SMARCC1: variants seen among roughly 807,000 people sequenced by gnomAD.
SMARCC1 encodes the protein SWI/SNF related BAF chromatin remodeling complex subunit C1.
In SMARCC1, 43 loss-of-function variants were observed where a neutral mutation model predicts 147.4. The observed-to-expected ratio is 0.29, with a 90% confidence interval of 0.23 to 0.38. The LOEUF (loss-of-function observed/expected upper bound fraction) is 0.38. Among genes scored for constraint, SMARCC1 ranks in the 10% least tolerant of loss-of-function variants. The pLI, the probability that SMARCC1 is intolerant of heterozygous loss-of-function variation, is 1.00. For missense variants in SMARCC1, 1,119 were observed against 1,381.1 expected (o/e 0.81, Z 3.01); for synonymous variants, 495 against 484.4 (o/e 1.02, Z -0.29).
At position 47,778,210 on chromosome 3, in the gene SMARCC1, C is replaced by CAA. The variant is rs762399509; in HGVS notation, c.195+3391_195+3392dup. Reference sequence around the variant, plus strand: ...CATCTCAAAAAAAAAAAACAAAAAACAAAAAACAAAAAAAACACTGACTCC... The same window carrying CAA: ...CATCTCAAAAAAAAAAAACAAAAAACAAAAAAAACAAAAAAAACACTGACTCC... On this transcript the variant is annotated intron_variant, in intron 1 of 27. Coordinates refer to ENST00000254480, the MANE Select transcript of SMARCC1 (RefSeq NM_003074.4). Among the ~76,000 whole-genome samples, 35 of 127,040 alleles carry CAA rather than the reference C, an allele frequency of 2.8e-4. 1 individual carries two copies. The highest frequency in any genetic ancestry group is 9.7e-4 in the African/African-American group (31 of 31,990). The allele number at this position is 127,040 out of a possible 152,430, so 83.3% of individuals were successfully genotyped here.
chr3:47,697,099 T>C (rs531905538), intron 11 of SMARCC1, among the ~76,000 whole-genome samples: 6 of 152,146 alleles, frequency 3.9e-5, no homozygotes, highest in East Asian at 1.9e-4. Context: ...GGAGGGTAGA[T>C]TGCTTGAGCT....
intron 1 of SMARCC1, among the ~76,000 whole-genome samples, chr3:47,780,925 C>A (rs1486916): frequency 0.98 from 149,337 of 152,352 alleles, 73,261 homozygotes; most frequent in East Asian, 1. Context: ...TAGGAGAAAT[C>A]AGTAAATGAA....
chr3:47,734,603 G>A (rs539613073), intron 5 of SMARCC1, among the ~76,000 whole-genome samples: 1 of 152,292 alleles, frequency 6.6e-6, no homozygotes, highest in South Asian at 2.1e-4. Context: ...TCCTCAGCTA[G>A]CTTACTATGT....
chr3:47,675,162 C>A (rs1291240341), intron 18 of SMARCC1, among the ~76,000 whole-genome samples: 2 of 152,164 alleles, frequency 1.3e-5, no homozygotes, highest in Non-Finnish European at 2.9e-5. Flanking sequence ...AGTTCACTAA[C>A]CTGTCTTCTG....
chr3:47,776,719 G>A (rs1166617415), intron 1 of SMARCC1, among the ~76,000 whole-genome samples: 21 of 151,760 alleles, frequency 1.4e-4, no homozygotes, highest in Admixed American at 1.4e-3. Flanking sequence ...AACATTTCAG[G>A]TAAATATACA....
intron 14 of SMARCC1, among the ~76,000 whole-genome samples, chr3:47,685,723 G>A (rs995829709): frequency 1.2e-4 from 19 of 152,156 alleles, no homozygotes; most frequent in Middle Eastern, 3.4e-3. Flanking sequence ...CTGGCACGGC[G>A]GCGGGAACCT....
intron 1 of SMARCC1, 50 bp from the exon 2 acceptor site, chr3:47,772,986 A>G (rs1339069474): frequency 8.8e-6 from 14 of 1,590,868 alleles, no homozygotes; most frequent in Non-Finnish European, 1.2e-5. Flanking sequence ...TTTGCAGGAG[A>G]AAATGTTGGC....
At chr3:47,652,333 A>ATT in intron 21 of SMARCC1, among the ~76,000 whole-genome samples, 1 of 152,282 alleles carries the variant, frequency 6.6e-6, no homozygotes, top group Non-Finnish European at 1.5e-5. Context: ...GCTCTGCCTG[A>ATT]TGCATTTGCC....
rs192960707 is a variant in SMARCC1, at chr3:47,714,341, C to T, written c.792+74G>A. 2,047 of 848,540 alleles carry T rather than the reference C, an allele frequency of 2.4e-3. 4 individuals are homozygous for T. Among genetic ancestry groups the T allele is most frequent in the Non-Finnish European group, 3.5e-3 (1,765 of 502,116 alleles). The allele number at this position is 848,540 out of a possible 1,614,324, so 52.6% of individuals were successfully genotyped here. ...TCGCACCACTCCACTCTAGCCTGGG[C>T]GACAGAGTGAGACGCCATCTCAAAA... On this transcript the variant is annotated intron_variant, in intron 8 of 27. Coordinates refer to ENST00000254480, the MANE Select transcript of SMARCC1 (RefSeq NM_003074.4).
chr3:47,665,743 A>T (rs185194026), intron 19 of SMARCC1, among the ~76,000 whole-genome samples: 1 of 152,166 alleles, frequency 6.6e-6, no homozygotes. Context: ...TGATTCAATG[A>T]AAGTTTTTAG....
At chr3:47,740,828 G>A (rs1388923694) in intron 3 of SMARCC1, among the ~76,000 whole-genome samples, 1 of 147,376 alleles carries the variant, frequency 6.8e-6, no homozygotes, top group Non-Finnish European at 1.5e-5. Flanking sequence ...TCCAGCCTGG[G>A]CGACAGAGGG....
intron 12 of SMARCC1, among the ~76,000 whole-genome samples, 157 bp downstream of exon 12, chr3:47,693,084 C>T (rs983845548): frequency 2.0e-5 from 3 of 152,046 alleles, no homozygotes; most frequent in African/African-American, 7.2e-5. Context: ...GTAGGAAAAT[C>T]GCTGGAGCCC....
chr3:47,718,265 C>G (rs2034183839), intron 7 of SMARCC1, among the ~76,000 whole-genome samples: 1 of 151,308 alleles, frequency 6.6e-6, no homozygotes, highest in African/African-American at 2.4e-5. Context: ...GCCAACATGG[C>G]AAAATCTCAT....
intron 7 of SMARCC1, among the ~76,000 whole-genome samples, chr3:47,719,468 A>G (rs1008760893): frequency 6.6e-6 from 1 of 151,802 alleles, no homozygotes; most frequent in Admixed American, 6.6e-5. Flanking sequence ...TGAGAAGCCA[A>G]GGTGGGTGGA....
chr3:47,705,194 A>G (rs1576417031), intron 10 of SMARCC1, among the ~76,000 whole-genome samples: 2 of 151,676 alleles, frequency 1.3e-5, no homozygotes, highest in East Asian at 1.9e-4. Flanking sequence ...GCGTGGTGGC[A>G]CGAGCCTGTA....
In SMARCC1 at chr3:47,676,675, G is replaced by A; in HGVS notation, c.1679C>T (p.Ala560Val). 5 of 1,613,738 alleles carry A rather than the reference G, an allele frequency of 3.1e-6. No individual in the cohort carries two copies. The highest frequency in any genetic ancestry group is 4.2e-6 in the Non-Finnish European group (5 of 1,179,718). ...AGGCACAAGCCCAGAGGGGGTATCAGCTAATACATTAAAATGAGGAGTAGG... is the reference window on the plus strand; with the variant it reads ...AGGCACAAGCCCAGAGGGGGTATCAACTAATACATTAAAATGAGGAGTAGG... ...PPPTPHFNVL[A>V]DTPSGLVPLH... The change falls in exon 17 of 28, where the codon GCT (alanine) becomes GTT (valine). Residue 560 changes from alanine to valine, a missense_variant. Transcript: ENST00000254480.
Position 47,718,710 on chromosome 3 carries a change from TA to T in SMARCC1, c.716+1955del, listed in dbSNP as rs1298009543. On this transcript the variant is annotated intron_variant, in intron 7 of 27. Transcript: ENST00000254480. ...CCCAATAACTTATGAAAAAATAAAA[TA>T]AAAAAATAAAAATAAAAAAAGTAGG... Among the ~76,000 whole-genome samples the T allele has an allele frequency of 2.0e-5, 3 of 150,598 alleles. No homozygotes were observed. The East Asian group carries it at 5.8e-4, about 29-fold the overall frequency.
chr3:47,604,100 T>C (rs539639056), intron 26 of SMARCC1: 9 of 456,626 alleles, frequency 2.0e-5, no homozygotes, highest in South Asian at 3.1e-5. Flanking sequence ...AAATGGAATA[T>C]GTACAGGTGC....
chr3:47,617,387 T>C (rs1349768206), intron 25 of SMARCC1, among the ~76,000 whole-genome samples: 1 of 152,232 alleles, frequency 6.6e-6, no homozygotes, highest in Admixed American at 6.5e-5. Context: ...GGAAATAAAG[T>C]GAGTAAATCC....
Sources: gnomAD v4.1 joint callset for allele counts (sites outside exome capture counted in the v4.1 genomes callset) on GRCh38, gnomAD v4.1.1 for gene constraint, MANE v1.5 for transcripts, NCBI Gene and HGNC (gene_info 2026-07-23, HGNC 2026-07-21) for gene names.